The following PDCD1LG2 variants were observed in gnomAD, a reference collection of about 807,000 sequenced individuals.
PDCD1LG2 encodes B7 dendritic cell molecule.
PDCD1LG2 carries 32 observed loss-of-function variants against 28.2 expected under a neutral mutation model. The ratio of observed to expected loss-of-function variants is 1.13; its 90% CI spans 0.86 to 1.52. PDCD1LG2 has a LOEUF of 1.52. PDCD1LG2 is among the 40% of genes most tolerant of loss of function. PDCD1LG2 has a pLI of 0.00. For synonymous variants in PDCD1LG2, 116 were observed against 120.2 expected (o/e 0.97, Z 0.23); for missense variants, 385 against 323.8 (o/e 1.19, Z -1.45).
chr9:5,563,115 A>C (rs7025474), intron 5 of PDCD1LG2, 47 bp from the exon 6 acceptor site: 1 of 1,425,108 alleles, frequency 7.0e-7, no homozygotes, highest in Admixed American at 1.8e-5. Flanking sequence ...TAAGCCAAAC[A>C]GTTTTCTCAT....
intron 5 of PDCD1LG2, among the ~76,000 whole-genome samples, chr9:5,560,997 G>A (rs995596626): frequency 1.4e-4 from 21 of 152,084 alleles, no homozygotes; most frequent in Admixed American, 3.3e-4. Flanking sequence ...TTGTCTTTAC[G>A]TTTCAAGAAT....
intron 2 of PDCD1LG2, among the ~76,000 whole-genome samples, chr9:5,530,645 C>A (rs534366564): frequency 6.6e-6 from 1 of 152,212 alleles, no homozygotes; most frequent in Non-Finnish European, 1.5e-5. Flanking sequence ...AGTTGCATCA[C>A]TTCTTTGAGC....
At chr9:5,549,241 G>A (rs1816273928) in intron 3 of PDCD1LG2, 94 bp from the exon 4 acceptor site, 1 of 1,166,862 alleles carries the variant, frequency 8.6e-7, no homozygotes, top group Non-Finnish European at 1.2e-6. Context: ...AATATTGATA[G>A]TGATAATTTT....
chr9:5,549,188 C>A, intron 3 of PDCD1LG2, 147 bp from the exon 4 acceptor site: 1 of 735,902 alleles, frequency 1.4e-6, no homozygotes. Context: ...AGCATGATAT[C>A]AGGGATATAC....
rs1816762007 is a variant in PDCD1LG2, at chr9:5,571,270, C to T, written c.*1311C>T. 1 of 230,034 alleles carries T rather than the reference C, an allele frequency of 4.3e-6. No homozygotes were observed. The highest frequency in any genetic ancestry group is 8.6e-6 in the Non-Finnish European group (1 of 116,096). 14.2% of individuals were successfully genotyped at this position (230,034 alleles called of 1,614,324 possible). ...TATTCTTCAACGTTCTTTATATATT[C>T]TACTTTTGGGTAAGAGGTTTGCTCA... is the stretch of plus-strand genomic sequence containing the variant. On this transcript the variant is annotated 3_prime_UTR_variant, in exon 7 of 7. Transcript: ENST00000397747.
intron 3 of PDCD1LG2, among the ~76,000 whole-genome samples, chr9:5,548,948 T>A (rs1474064521): frequency 6.6e-6 from 1 of 152,224 alleles, no homozygotes; most frequent in Non-Finnish European, 1.5e-5. Context: ...TGAAATAATT[T>A]ATAGCACTGT....
chr9:5,546,597 G>A (rs745874662), intron 3 of PDCD1LG2, among the ~76,000 whole-genome samples: 2 of 152,138 alleles, frequency 1.3e-5, no homozygotes, highest in African/African-American at 4.8e-5. Context: ...TTCTACTACT[G>A]CTGGGTGCTC....
At chr9:5,519,868 C>G (rs1328512236) in intron 1 of PDCD1LG2, among the ~76,000 whole-genome samples, 1 of 152,186 alleles carries the variant, frequency 6.6e-6, no homozygotes, top group Non-Finnish European at 1.5e-5. Flanking sequence ...CCAGATTTCC[C>G]TCTTTTTCTC....
chr9:5,531,230 C>A (rs1015361282), intron 2 of PDCD1LG2, among the ~76,000 whole-genome samples: 3 of 152,182 alleles, frequency 2.0e-5, no homozygotes, highest in African/African-American at 7.2e-5. Flanking sequence ...TGAGAAAAAA[C>A]CTCTTCATAG....
chr9:5,534,890 C>G lies in PDCD1LG2; in HGVS notation c.201C>G (p.Ser67=), dbSNP rs749572660. 6.2e-7 allele frequency: 1 copy of G among 1,614,150 alleles called. No homozygotes were observed. The highest frequency in any genetic ancestry group is 8.5e-7 in the Non-Finnish European group (1 of 1,180,030). ...TGCAAAAGGTGGAAAATGATACATC[C>G]CCACACCGTGAAAGAGCCACTTTGC... ...ASLQKVENDT[S]PHRERATLLE... Residue 67 remains serine, a synonymous_variant, in exon 3 of 7, where the codon TCC becomes TCG. Transcript: ENST00000397747.
chr9:5,542,421 C>T (rs1820704640), intron 3 of PDCD1LG2, among the ~76,000 whole-genome samples: 1 of 152,088 alleles, frequency 6.6e-6, no homozygotes, highest in Non-Finnish European at 1.5e-5. Flanking sequence ...GGGAGAAAAT[C>T]TTCACAATCT....
At chr9:5,541,567 A>G (rs867657838) in intron 3 of PDCD1LG2, among the ~76,000 whole-genome samples, 2 of 152,096 alleles carry the variant, frequency 1.3e-5, no homozygotes, top group African/African-American at 4.8e-5. Context: ...AACATCAACC[A>G]ATAGCTGCAA....
At chr9:5,529,904 G>T (rs1820449445) in intron 2 of PDCD1LG2, among the ~76,000 whole-genome samples, 1 of 152,170 alleles carries the variant, frequency 6.6e-6, no homozygotes, top group African/African-American at 2.4e-5. Flanking sequence ...GCATGAGTCA[G>T]GTGCTTAGAG....
intron 2 of PDCD1LG2, among the ~76,000 whole-genome samples, chr9:5,527,123 A>G (rs1285698366): frequency 6.6e-6 from 1 of 152,264 alleles, no homozygotes; most frequent in Non-Finnish European, 1.5e-5. Flanking sequence ...AAAACATTTT[A>G]TATCATTTTT....
At position 5,542,305 on chromosome 9, in the gene PDCD1LG2, T is replaced by C. The variant is rs1820702038; in HGVS notation, c.362-7030T>C. The stretch of plus-strand genomic sequence containing the variant: ...TCGTGACCAAGAACCCAAAAGCAAA[T>C]GCAACAAAGACAAAGGTAAATAGAT... On this transcript the variant is annotated intron_variant, in intron 3 of 6. Transcript: ENST00000397747. Among the ~76,000 whole-genome samples the C allele has an allele frequency of 1.3e-5, 2 of 151,938 alleles. 1 individual carries two copies. The highest frequency in any genetic ancestry group is 4.1e-4 in the South Asian group (2 of 4,824).
rs758617310 is a variant in PDCD1LG2 at position 5,549,386 on chromosome 9, A to G, written c.413A>G (p.Glu138Gly). ...ATCCTAAAGGTTCCAGAAACAGATG[A>G]GGTAGAGCTCACCTGCCAGGCTACA... Reference protein sequence around the residue: ...THILKVPETDEVELTCQATGY... With the variant: ...THILKVPETDGVELTCQATGY... Residue 138 changes from glutamate to glycine, a missense_variant, in exon 4 of 7, where the codon GAG becomes GGG. Coordinates refer to ENST00000397747, the MANE Select transcript of PDCD1LG2 (RefSeq NM_025239.4). The G allele has an allele frequency of 1.9e-6, 3 of 1,614,170 alleles. No homozygotes were observed. In the East Asian group the frequency reaches 6.7e-5, roughly 36 times the overall value.
rs924347504 is a variant in PDCD1LG2 at position 5,534,126 on chromosome 9, C to T, written c.56-619C>T. 2.0e-5 allele frequency among the ~76,000 whole-genome samples: 3 copies of T among 152,006 alleles called. No individual in the cohort carries two copies. In the South Asian group the frequency reaches 6.3e-4, roughly 32 times the overall value. On this transcript the variant is annotated intron_variant, in intron 2 of 6. Coordinates refer to ENST00000397747, the MANE Select transcript of PDCD1LG2 (RefSeq NM_025239.4). ...AAAAGGATAGAATATTATTACCTACCTTGCTGGCTTCTGGGAAGAAGCTCA... is the reference window on the plus strand; with the variant it reads ...AAAAGGATAGAATATTATTACCTACTTTGCTGGCTTCTGGGAAGAAGCTCA...
At chr9:5,557,819 C>G (rs772410746) in intron 5 of PDCD1LG2, 67 bp downstream of exon 5, 76 of 1,577,896 alleles carry the variant, frequency 4.8e-5, no homozygotes, top group Non-Finnish European at 6.4e-5. Flanking sequence ...CTGCTTTGCA[C>G]TGCAGGCCTA....
rs909847296 is a variant in PDCD1LG2, at chr9:5,569,890, G to C, written c.817-64G>C. ...AAATTAGTTCCTCACTCAAATTTTG[G>C]GGAGGTTATATATTTTCTAATCATA... On this transcript the variant is annotated intron_variant, in intron 6 of 6. Transcript: ENST00000397747. The surrounding 1 kb of genome is among the most constrained non-coding windows in gnomAD (Gnocchi z 4.1). The C allele has an allele frequency of 1.3e-6, 2 of 1,534,082 alleles. No individual in the cohort carries two copies. The highest frequency in any genetic ancestry group is 2.8e-5 in the African/African-American group (2 of 72,442).
Sources: allele counts gnomAD v4.1 joint callset (sites outside exome capture counted in the v4.1 genomes callset), GRCh38; gene constraint gnomAD v4.1.1; non-coding constraint Gnocchi (gnomAD v3.1); transcripts MANE v1.5; gene names NCBI Gene and HGNC (gene_info 2026-07-23, HGNC 2026-07-21).